Variants in WDR25 observed in about 807,000 individuals in gnomAD.
The protein encoded by WDR25 is WD repeat-containing protein 25.
In WDR25, 35 loss-of-function variants were observed where a neutral mutation model predicts 47.7. That is an observed-to-expected ratio of 0.73 (90% CI 0.56 to 0.97). WDR25 has a LOEUF of 0.97. Ranked by LOEUF, WDR25 falls within the 50% of genes least tolerant of loss-of-function variation. WDR25 has a pLI of 0.00. For missense variants in WDR25, 634 were observed against 704.7 expected, an observed-to-expected ratio of 0.90 and a Z score of 1.14; for synonymous variants, 248 against 278.9, an observed-to-expected ratio of 0.89 and a Z score of 1.10.
At chr14:100,401,203 A>C (rs1595501810) in intron 2 of WDR25, among the ~76,000 whole-genome samples, 1 of 150,162 alleles carries the variant, frequency 6.7e-6, no homozygotes, top group African/African-American at 2.5e-5. Flanking sequence ...GGCGGGAGAG[A>C]CCTCCCCCTC....
At position 100,407,800 on chromosome 14, in the gene WDR25, G is replaced by A. The variant is rs1183973709; in HGVS notation, c.822+26054G>A. The stretch of plus-strand genomic sequence containing the variant: ...GGTGCCAGAGATTAGAGCTGGGATT[G>A]GAGATGTAGCCCGTCCCCGTTCAGG... On this transcript the variant is annotated intron_variant, in intron 2 of 6. Transcript: ENST00000402312. This position sits in a 1 kb window ranked among gnomAD's most constrained non-coding sequence, Gnocchi z 4.1. 6.7e-6 allele frequency among the ~76,000 whole-genome samples: 1 copy of A among 150,268 alleles called. No homozygotes were observed. The highest frequency in any genetic ancestry group is 2.5e-5 in the African/African-American group (1 of 39,776).
chr14:100,444,721 TG>T (rs1008844693), intron 2 of WDR25, among the ~76,000 whole-genome samples: 9 of 152,314 alleles, frequency 5.9e-5, no homozygotes, highest in African/African-American at 1.9e-4. Flanking sequence ...TCTGGAGGGC[TG>T]TGTCTAGAAG....
chr14:100,472,751 A>G (rs780188712), intron 3 of WDR25, among the ~76,000 whole-genome samples: 1 of 152,148 alleles, frequency 6.6e-6, no homozygotes, highest in African/African-American at 2.4e-5. Context: ...TCTCCTCCAC[A>G]TTCCCCTTCC....
chr14:100,398,770 T>G (rs893984300), intron 2 of WDR25, among the ~76,000 whole-genome samples: 3 of 149,352 alleles, frequency 2.0e-5, no homozygotes, highest in Non-Finnish European at 4.4e-5. Flanking sequence ...TTTGTTTTTT[T>G]GGGGGGTGGA....
rs931354057 is a variant in WDR25, at chr14:100,529,811, T to A, written c.1414-9T>A. 1 of 1,610,268 alleles carries A rather than the reference T, an allele frequency of 6.2e-7. No homozygotes were observed. Among genetic ancestry groups the A allele is most frequent in the Non-Finnish European group, 8.5e-7 (1 of 1,179,352 alleles). On this transcript the variant is annotated splice_polypyrimidine_tract_variant and intron_variant, in intron 6 of 6. Coordinates refer to ENST00000402312, the MANE Select transcript of WDR25 (RefSeq NM_001161476.3). This position sits in a 1 kb window ranked among gnomAD's most constrained non-coding sequence, Gnocchi z 5.1. ...GCGGCTTGCTCACCCACTGTGTCCC[T>A]CTCTGCAGGTGGAGGGCTACTCAGT...
intron 2 of WDR25, among the ~76,000 whole-genome samples, chr14:100,405,168 C>CTTTTTTTTTTTT (rs35414565): frequency 1.4e-5 from 2 of 146,254 alleles, no homozygotes; most frequent in African/African-American, 5.3e-5. Context: ...TCTGCCCCAT[C>CTTTTTTTTTTTT]TTTTTTTTTT....
At chr14:100,520,740 GGGA>G (rs2029868867) in intron 4 of WDR25, among the ~76,000 whole-genome samples, 2 of 152,140 alleles carry the variant, frequency 1.3e-5, no homozygotes, top group African/African-American at 2.4e-5. Context: ...TGGCTGGCTG[GGGA>G]GGAGAAGGTT....
Position 100,382,034 on chromosome 14 carries a change from A to G in WDR25, c.822+288A>G, listed in dbSNP as rs1017927117. ...GGTGAGAGTGATTAGTGGGAGAAGA[A>G]AAGCAGGCCCAGGACCAAGCCCTGG... On this transcript the variant is annotated intron_variant, in intron 2 of 6. Coordinates refer to ENST00000402312, the MANE Select transcript of WDR25 (RefSeq NM_001161476.3). 1.1e-5 allele frequency: 8 copies of G among 702,386 alleles called. No homozygotes were observed. In the African/African-American group the frequency reaches 1.4e-4, roughly 12 times the overall value. 43.5% of individuals were successfully genotyped at this position (702,386 alleles called of 1,614,324 possible). A position where few individuals can be genotyped will look rare whatever the true frequency, so the allele number is the denominator to read the frequency against.
chr14:100,401,110 G>A (rs749968012), intron 2 of WDR25, among the ~76,000 whole-genome samples: 2 of 152,122 alleles, frequency 1.3e-5, no homozygotes, highest in Non-Finnish European at 2.9e-5. Context: ...TATTGCTTGC[G>A]GATTTCATAA....
At chr14:100,526,204 G>T (rs924228790) in intron 5 of WDR25, among the ~76,000 whole-genome samples, 164 bp downstream of exon 5, 3 of 152,194 alleles carry the variant, frequency 2.0e-5, no homozygotes, top group Non-Finnish European at 4.4e-5. Flanking sequence ...CACATGGAGA[G>T]CTTGCTGTGG....
At chr14:100,444,626 A>G (rs112250303) in intron 2 of WDR25, among the ~76,000 whole-genome samples, 1,537 of 152,236 alleles carry the variant, frequency 0.01, 16 homozygotes, top group Middle Eastern at 0.037. Context: ...TGGCCTGCAG[A>G]AGTTCTGGGT....
chr14:100,503,150 C>A (rs571340634), intron 4 of WDR25, among the ~76,000 whole-genome samples: 83 of 152,008 alleles, frequency 5.5e-4, no homozygotes, highest in African/African-American at 1.9e-3. Flanking sequence ...AGGGCCTCCA[C>A]CCTGGCCATT....
At chr14:100,524,414 G>A (rs570725782) in intron 4 of WDR25, among the ~76,000 whole-genome samples, 6 of 152,228 alleles carry the variant, frequency 3.9e-5, no homozygotes, top group African/African-American at 4.8e-5. Flanking sequence ...GAGGCTGGTG[G>A]GGGCTGTGAT....
intron 2 of WDR25, among the ~76,000 whole-genome samples, chr14:100,459,882 A>ATG (rs1196765655): frequency 0.037 from 2,637 of 71,250 alleles, 174 homozygotes; most frequent in Non-Finnish European, 0.047. Flanking sequence ...ATATCCGTAT[A>ATG]TGTGTGTGTG....
In WDR25 at chr14:100,491,328, C is replaced by G. The variant is rs78885093; in HGVS notation, c.1101+7204C>G. ...GGGTGGTTTGATGCCCAAACCCTCA[C>G]AGATCCTCTTGTTCACAGTGTGAAT... is the stretch of plus-strand genomic sequence containing the variant. On this transcript the variant is annotated intron_variant, in intron 4 of 6. Coordinates refer to ENST00000402312, the MANE Select transcript of WDR25 (RefSeq NM_001161476.3). 3.8e-3 allele frequency among the ~76,000 whole-genome samples: 578 copies of G among 152,354 alleles called. 4 individuals carry two copies. The highest frequency in any genetic ancestry group is 0.013 in the African/African-American group (550 of 41,578).
chr14:100,388,375 T>C (rs191954679), intron 2 of WDR25, among the ~76,000 whole-genome samples: 8 of 152,328 alleles, frequency 5.3e-5, no homozygotes, highest in South Asian at 2.1e-4. Flanking sequence ...TAGAGGCCCA[T>C]AGAGGGGAAG....
At chr14:100,503,857 T>C (rs1259223073) in intron 4 of WDR25, 1 of 152,278 alleles carries the variant, frequency 6.6e-6, no homozygotes, top group African/African-American at 2.4e-5. Flanking sequence ...CCTCTGCTTA[T>C]GATTTCAGGC....
Position 100,483,932 on chromosome 14 carries a change from T to C in WDR25, c.971-62T>C, listed in dbSNP as rs909325257. ...CCCCATACCAGATGGCATCTTAGTTTTAAGATATTTGTTTTGTGACCTAAG... is the reference window on the plus strand; with the variant it reads ...CCCCATACCAGATGGCATCTTAGTTCTAAGATATTTGTTTTGTGACCTAAG... On this transcript the variant is annotated intron_variant, in intron 3 of 6. Transcript: ENST00000402312. The C allele has an allele frequency of 4.5e-6, 7 of 1,542,198 alleles. No individual in the cohort carries two copies. In the African/African-American group the frequency reaches 8.3e-5, roughly 18 times the overall value.
At chr14:100,429,840 G>A (rs888306207) in intron 2 of WDR25, among the ~76,000 whole-genome samples, 10 of 151,982 alleles carry the variant, frequency 6.6e-5, no homozygotes, top group African/African-American at 2.4e-4. Flanking sequence ...ATTGGGGCAG[G>A]GAGAGAGAGG....
Sources: allele counts gnomAD v4.1 joint callset (sites outside exome capture counted in the v4.1 genomes callset), GRCh38; gene constraint gnomAD v4.1.1; non-coding constraint Gnocchi (gnomAD v3.1); transcripts MANE v1.5; gene names NCBI Gene and HGNC (gene_info 2026-07-23, HGNC 2026-07-21).